Variants in KIAA0408 observed in about 807,000 individuals in gnomAD.
The protein encoded by KIAA0408 is KIAA0408.
KIAA0408 carries 51 observed loss-of-function variants against 60.9 expected under a neutral mutation model. The ratio of observed to expected loss-of-function variants is 0.84; its 90% CI spans 0.67 to 1.06. KIAA0408 has a LOEUF of 1.06. Ranked by LOEUF, KIAA0408 falls within the 50% of genes least tolerant of loss-of-function variation. The probability of loss-of-function intolerance (pLI) is 0.00; values close to 1 mark genes in which losing one functional copy is unlikely to be tolerated. For synonymous variants in KIAA0408, 304 were observed against 282.4 expected, an observed-to-expected ratio of 1.08 and a Z score of -0.77; for missense variants, 787 against 833.9, an observed-to-expected ratio of 0.94 and a Z score of 0.69.
At chr6:127,453,775 T>A in intron 2 of KIAA0408, 72 bp downstream of exon 2, 1 of 1,542,304 alleles carries the variant, frequency 6.5e-7, no homozygotes, top group South Asian at 1.3e-5. Flanking sequence ...CAGTTTCCAA[T>A]ACAAAACAGC....
At chr6:127,455,497 A>G (rs1331330068) in intron 1 of KIAA0408, among the ~76,000 whole-genome samples, 1 of 152,174 alleles carries the variant, frequency 6.6e-6, no homozygotes, top group African/African-American at 2.4e-5. Flanking sequence ...ACAGTTTTGA[A>G]TCTGTATTTT....
Position 127,439,378 on chromosome 6 carries a change from T to C in KIAA0408, c.*4731A>G, listed in dbSNP as rs1773068661. 6.6e-6 allele frequency: 1 copy of C among 152,200 alleles called. No homozygotes were observed. The highest frequency in any genetic ancestry group is 6.5e-5 in the Admixed American group (1 of 15,288). The allele number at this position is 152,200 out of a possible 1,614,324, so 9.4% of individuals were successfully genotyped here. ...GCTATTTATTGGTTTTACTTCAACA[T>C]CATGTCCTACATACAAAATTTATAT... On this transcript the variant is annotated 3_prime_UTR_variant, in exon 6 of 6. Coordinates refer to ENST00000483725, the MANE Select transcript of KIAA0408 (RefSeq NM_014702.5).
At chr6:127,446,307 C>T in intron 5 of KIAA0408, 101 bp downstream of exon 5, 11 of 1,510,508 alleles carry the variant, frequency 7.3e-6, no homozygotes, top group Non-Finnish European at 9.7e-6. Flanking sequence ...GAGTCCAAAA[C>T]TTGTGCCCTC....
At chr6:127,456,252 T>A (rs943851450) in intron 1 of KIAA0408, among the ~76,000 whole-genome samples, 3 of 152,200 alleles carry the variant, frequency 2.0e-5, no homozygotes, top group Non-Finnish European at 4.4e-5. Context: ...CCATGTTTTA[T>A]CCCAACTGTC....
intron 1 of KIAA0408, 191 bp from the exon 2 acceptor site, chr6:127,454,292 T>C (rs1773352707): frequency 2.4e-6 from 1 of 416,650 alleles, no homozygotes; most frequent in Non-Finnish European, 3.3e-6. Flanking sequence ...TCCAAAGTTT[T>C]TTTCCCTTTC....
rs762066368 is a variant in KIAA0408, at chr6:127,444,180, C to T, written c.2014G>A (p.Ala672Thr). The change falls in exon 6 of 6, where the codon GCA becomes ACA. Residue 672 changes from alanine (A) to threonine (T), a missense_variant. Coordinates refer to ENST00000483725, the MANE Select transcript of KIAA0408 (RefSeq NM_014702.5). ...GTAGTTCTCCGCAAGGCAGGGGGTG[C>T]AGATGGAGATCTGGATGCCCATCTG... is the stretch of plus-strand genomic sequence containing the variant. Reference protein sequence around the residue: ...PSRWASRSPSAPPALRRTTHN... With the variant: ...PSRWASRSPSTPPALRRTTHN... 8 of 1,613,528 alleles carry T rather than the reference C, an allele frequency of 5.0e-6. No homozygotes were observed. Among genetic ancestry groups the T allele is most frequent in the Non-Finnish European group, 5.9e-6 (7 of 1,179,754 alleles).
In KIAA0408 at chr6:127,438,802, A is replaced by C. The variant is rs1773060250; in HGVS notation, c.*5307T>G. ...CTGGTTTGTGCAGCATGTGACTGTA[A>C]TTTTGAGTGAGGTTTATATTGGAAA... On this transcript the variant is annotated 3_prime_UTR_variant, in exon 6 of 6. Coordinates refer to ENST00000483725, the MANE Select transcript of KIAA0408 (RefSeq NM_014702.5). 6.6e-6 allele frequency: 1 copy of C among 152,172 alleles called. No homozygotes were observed. The highest frequency in any genetic ancestry group is 1.5e-5 in the Non-Finnish European group (1 of 68,022). The allele number at this position is 152,172 out of a possible 1,614,324, so 9.4% of individuals were successfully genotyped here.
intron 4 of KIAA0408, among the ~76,000 whole-genome samples, chr6:127,449,274 G>C (rs1773256176): frequency 5.9e-5 from 9 of 152,068 alleles, no homozygotes; most frequent in Admixed American, 5.9e-4. Context: ...AATTAGACAC[G>C]AAAAAGAGTA....
intron 1 of KIAA0408, among the ~76,000 whole-genome samples, chr6:127,454,898 A>G (rs1773365120): frequency 6.6e-6 from 1 of 152,104 alleles, no homozygotes; most frequent in South Asian, 2.1e-4. Flanking sequence ...TTAACTTTCT[A>G]GCCTTCAGGG....
rs1562372342 is a variant in KIAA0408, at chr6:127,453,951, C to T, written c.31G>A (p.Glu11Lys). ...ATCTTTTCCTTATGCCAGTTAGTCTCTGTGTTCTCCCACTGCTTATGTAGG... is the reference window on the plus strand; with the variant it reads ...ATCTTTTCCTTATGCCAGTTAGTCTTTGTGTTCTCCCACTGCTTATGTAGG... MDLHKQWENT[E>K]TNWHKEKMEL... The change falls in exon 2 of 6, where the codon GAG becomes AAG. Residue 11 changes from glutamate to lysine, a missense_variant. Glu to Lys is a moderately conservative substitution (Grantham distance 56). Coordinates refer to ENST00000483725, the MANE Select transcript of KIAA0408 (RefSeq NM_014702.5). 1.2e-6 allele frequency: 2 copies of T among 1,612,906 alleles called. No homozygotes were observed. Among genetic ancestry groups the T allele is most frequent in the Non-Finnish European group, 8.5e-7 (1 of 1,179,184 alleles).
Position 127,446,610 on chromosome 6 carries a change from T to A in KIAA0408, c.1709A>T (p.Tyr570Phe). 1 of 1,614,120 alleles carries A rather than the reference T, an allele frequency of 6.2e-7. No individual in the cohort carries two copies. Among genetic ancestry groups the A allele is most frequent in the Non-Finnish European group, 8.5e-7 (1 of 1,180,008 alleles). The change falls in exon 5 of 6, where the codon TAT becomes TTT. Residue 570 changes from tyrosine (Y) to phenylalanine (F), a missense_variant. Physicochemically the swap from Tyr to Phe is conservative, Grantham distance 22. Transcript: ENST00000483725. ...YGVVEKLLKT[Y>F]ETATESALQN... The stretch of plus-strand genomic sequence containing the variant: ...CAATGCAGACTCTGTTGCTGTCTCA[T>A]AGGTTTTCAGCAGCTTTTCCACAAC...
chr6:127,456,784 TGGG>T (rs10590257), intron 1 of KIAA0408, among the ~76,000 whole-genome samples: 7 of 148,166 alleles, frequency 4.7e-5, no homozygotes, highest in Admixed American at 4.0e-4. Flanking sequence ...TATAAAGTGG[TGGG>T]GGGGGGGCAT....
At chr6:127,451,137 G>T (rs2114799573) in intron 2 of KIAA0408, 1 of 360,792 alleles carries the variant, frequency 2.8e-6, no homozygotes, top group Non-Finnish European at 5.4e-6. Context: ...TTAGGCTTGG[G>T]TCATGTAAAA....
At chr6:127,446,096 T>C (rs1275232328) in intron 5 of KIAA0408, among the ~76,000 whole-genome samples, 2 of 152,218 alleles carry the variant, frequency 1.3e-5, no homozygotes, top group East Asian at 3.8e-4. Context: ...ATAAATTGAG[T>C]AATGTCCATT....
At position 127,439,851 on chromosome 6, in the gene KIAA0408, G is replaced by A. The variant is rs1264539905; in HGVS notation, c.*4258C>T. The A allele has an allele frequency of 6.6e-6, 1 of 152,178 alleles. No homozygotes were observed. The highest frequency in any genetic ancestry group is 2.4e-5 in the African/African-American group (1 of 41,448). 9.4% of individuals were successfully genotyped at this position (152,178 alleles called of 1,614,324 possible). The stretch of plus-strand genomic sequence containing the variant: ...TTGCTTTGCAAACAATAAGGTCATA[G>A]ATGCACATGGGACATTTATACAGGA... On this transcript the variant is annotated 3_prime_UTR_variant, in exon 6 of 6. Transcript: ENST00000483725.
Position 127,453,955 on chromosome 6 carries a change from G to C in KIAA0408, c.27C>G (p.Asn9Lys). The change falls in exon 2 of 6, where the codon AAC becomes AAG. Residue 9 changes from asparagine (N) to lysine (K), a missense_variant. Transcript: ENST00000483725. MDLHKQWE[N>K]TETNWHKEKM... is the part of the protein sequence containing the mutation. Reference sequence around the variant, plus strand: ...TTTCCTTATGCCAGTTAGTCTCTGTGTTCTCCCACTGCTTATGTAGGTCCA... The same window carrying C: ...TTTCCTTATGCCAGTTAGTCTCTGTCTTCTCCCACTGCTTATGTAGGTCCA... 1 of 1,612,580 alleles carries C rather than the reference G, an allele frequency of 6.2e-7. No individual in the cohort carries two copies. The highest frequency in any genetic ancestry group is 8.5e-7 in the Non-Finnish European group (1 of 1,179,074).
rs759804351 is a variant in KIAA0408, at chr6:127,438,720, G to A, written c.*5389C>T. The A allele has an allele frequency of 3.3e-5, 5 of 152,150 alleles. No homozygotes were observed. Among genetic ancestry groups the A allele is most frequent in the African/African-American group, 9.7e-5 (4 of 41,438 alleles). The allele number at this position is 152,150 out of a possible 1,614,324, so 9.4% of individuals were successfully genotyped here. On this transcript the variant is annotated 3_prime_UTR_variant, in exon 6 of 6. Coordinates refer to ENST00000483725, the MANE Select transcript of KIAA0408 (RefSeq NM_014702.5). ...AATGATATCTGTATATGTAAACATA[G>A]AAAAAGTATAGCAAAAATATTGTAT...
chr6:127,456,720 C>T (rs995052215), intron 1 of KIAA0408, among the ~76,000 whole-genome samples: 1 of 151,734 alleles, frequency 6.6e-6, no homozygotes, highest in Non-Finnish European at 1.5e-5. Flanking sequence ...TCAGTCTTGT[C>T]GTAAATATAA....
chr6:127,453,640 T>C (rs981894725), intron 2 of KIAA0408, among the ~76,000 whole-genome samples: 6 of 152,086 alleles, frequency 3.9e-5, no homozygotes, highest in African/African-American at 1.2e-4. Flanking sequence ...ACATTTCAAA[T>C]GCTTAATTTT....
Sources: allele counts gnomAD v4.1 joint callset (sites outside exome capture counted in the v4.1 genomes callset), GRCh38; gene constraint gnomAD v4.1.1; transcripts MANE v1.5; gene names NCBI Gene and HGNC (gene_info 2026-07-23, HGNC 2026-07-21).